The following LRPPRC variants were observed in gnomAD, a reference collection of about 807,000 sequenced individuals.
LRPPRC encodes leucine-rich PPR motif-containing protein, mitochondrial.
LRPPRC carries 120 observed loss-of-function variants against 180.3 expected under a neutral mutation model. That is an observed-to-expected ratio of 0.67 (90% confidence interval 0.57 to 0.77). The LOEUF (loss-of-function observed/expected upper bound fraction) is 0.77, where lower values mean the gene tolerates loss of function less well. LRPPRC is among the 30% of genes least tolerant of loss of function. The pLI, the probability that LRPPRC is intolerant of heterozygous loss-of-function variation, is 0.00. For synonymous variants in LRPPRC, 723 were observed against 600.0 expected (o/e 1.21, Z -3.00); for missense variants, 2,012 against 1,657.2 (o/e 1.21, Z -3.72).
Position 43,955,649 on chromosome 2 carries a change from A to G in LRPPRC, c.1649+1736T>C, listed in dbSNP as rs1673082028. ...CAGCTGCTCGGGAGGCTACGATGGGAGGATCGCTTGAGCCCGGGAGGTAAA... is the reference window on the plus strand; with the variant it reads ...CAGCTGCTCGGGAGGCTACGATGGGGGGATCGCTTGAGCCCGGGAGGTAAA... On this transcript the variant is annotated intron_variant, in intron 14 of 37. Transcript: ENST00000260665. Among the ~76,000 whole-genome samples, 4 of 152,170 alleles carry G rather than the reference A, an allele frequency of 2.6e-5. No individual in the cohort carries two copies. The South Asian group carries it at 8.3e-4, about 32-fold the overall frequency.
chr2:43,950,244 G>A (rs1225289392), intron 15 of LRPPRC, among the ~76,000 whole-genome samples: 4 of 151,686 alleles, frequency 2.6e-5, no homozygotes, highest in African/African-American at 7.3e-5. Flanking sequence ...TAAGTTCAGG[G>A]GTACATGTGC....
intron 11 of LRPPRC, among the ~76,000 whole-genome samples, chr2:43,969,484 T>C (rs1444223118): frequency 6.6e-6 from 1 of 151,828 alleles, no homozygotes; most frequent in African/African-American, 2.4e-5. Context: ...TGCTAAAGCC[T>C]ACATGTTTTT....
intron 23 of LRPPRC, among the ~76,000 whole-genome samples, chr2:43,935,772 T>TA (rs1367716218): frequency 1.3e-5 from 2 of 152,206 alleles, no homozygotes; most frequent in East Asian, 3.9e-4. Context: ...TCACAGGTAA[T>TA]ATAAAAAAAA....
At position 43,907,374 on chromosome 2, in the gene LRPPRC, G is replaced by A. The variant is rs7600218; in HGVS notation, c.3276-1594C>T. 9.3e-3 allele frequency among the ~76,000 whole-genome samples: 1,415 copies of A among 152,134 alleles called. 21 individuals are homozygous for A. The highest frequency in any genetic ancestry group is 0.032 in the African/African-American group (1,320 of 41,502). Reference sequence around the variant, plus strand: ...AAAGGAAAAAATTTTAAAAAGTTGCGGGTAGAGATCTTTATATTGGAATCA... The same window carrying A: ...AAAGGAAAAAATTTTAAAAAGTTGCAGGTAGAGATCTTTATATTGGAATCA... On this transcript the variant is annotated intron_variant, in intron 30 of 37. Transcript: ENST00000260665.
rs1461687874 is a variant in LRPPRC at position 43,886,464 on chromosome 2, A to G, written c.*2136T>C. ...TTAGAACACTCATAAGCCCACCTAC[A>G]GTATAGTTATTATACTTTAAATATT... On this transcript the variant is annotated 3_prime_UTR_variant, in exon 38 of 38. Transcript: ENST00000260665. 1.3e-5 allele frequency: 2 copies of G among 152,202 alleles called. No individual in the cohort carries two copies. Among genetic ancestry groups the G allele is most frequent in the Admixed American group, 6.5e-5 (1 of 15,282 alleles). 9.4% of individuals were successfully genotyped at this position (152,202 alleles called of 1,614,324 possible). A position where few individuals can be genotyped will look rare whatever the true frequency, so the allele number is the denominator to read the frequency against.
intron 11 of LRPPRC, among the ~76,000 whole-genome samples, chr2:43,967,807 T>C (rs1673628751): frequency 6.6e-6 from 1 of 152,210 alleles, no homozygotes; most frequent in Admixed American, 6.5e-5. Context: ...CTAACAATAC[T>C]TGTAAGCGAA....
rs529577116 is a variant in LRPPRC at position 43,886,720 on chromosome 2, A to C, written c.*1880T>G. On this transcript the variant is annotated 3_prime_UTR_variant, in exon 38 of 38. Coordinates refer to ENST00000260665, the MANE Select transcript of LRPPRC (RefSeq NM_133259.4). ...AAGATGACTGCGAAATCCAGATTAC[A>C]CCCCAACGTTATGCCTCACCTTGGA... 6.6e-6 allele frequency: 1 copy of C among 152,250 alleles called. No homozygotes were observed. 9.4% of individuals were successfully genotyped at this position (152,250 alleles called of 1,614,324 possible). A position where few individuals can be genotyped will look rare whatever the true frequency, so the allele number is the denominator to read the frequency against.
chr2:43,906,698 G>A (rs569288640), intron 30 of LRPPRC, among the ~76,000 whole-genome samples: 29 of 152,204 alleles, frequency 1.9e-4, no homozygotes, highest in South Asian at 4.1e-4. Flanking sequence ...CTGCCAACAC[G>A]GACATATAAG....
intron 32 of LRPPRC, among the ~76,000 whole-genome samples, chr2:43,900,137 T>C (rs1670833538): frequency 6.6e-6 from 1 of 152,166 alleles, no homozygotes; most frequent in African/African-American, 2.4e-5. Context: ...CTCAATTTCT[T>C]TTTGTCAGGT....
intron 16 of LRPPRC, 143 bp downstream of exon 16, chr2:43,949,458 TA>T: frequency 1.4e-6 from 1 of 693,542 alleles, no homozygotes; most frequent in South Asian, 1.6e-5. Flanking sequence ...CAAAATGTTG[TA>T]ATCAATATAA....
chr2:43,915,232 T>TCTCTCTCTCACA (rs1174216406), intron 29 of LRPPRC, among the ~76,000 whole-genome samples: 2 of 51,882 alleles, frequency 3.9e-5, no homozygotes, highest in Non-Finnish European at 6.9e-5. Flanking sequence ...TCTCTCTCTC[T>TCTCTCTCTCACA]CACACACACA....
At chr2:43,960,332 C>T (rs1436210095) in intron 13 of LRPPRC, among the ~76,000 whole-genome samples, 1 of 152,168 alleles carries the variant, frequency 6.6e-6, no homozygotes, top group Non-Finnish European at 1.5e-5. Flanking sequence ...TTCAGTCTAA[C>T]ACCATATTAC....
rs1299724638 is a variant in LRPPRC, at chr2:43,982,328, C to T, written c.256G>A (p.Ala86Thr). The change falls in exon 2 of 38, where the codon GCT becomes ACT. Residue 86 changes from alanine (A) to threonine (T), a missense_variant. Physicochemically the swap from Ala to Thr is moderately conservative, Grantham distance 58. Coordinates refer to ENST00000260665, the MANE Select transcript of LRPPRC (RefSeq NM_133259.4). The part of the protein sequence containing the change: ...SRKISNQFDW[A>T]LMRLDLSVRR... ...ACAGAAAGATCTAGTCTCATTAGAGCCCAATCAAACTGATTGGAAATCTTC... is the reference window on the plus strand; with the variant it reads ...ACAGAAAGATCTAGTCTCATTAGAGTCCAATCAAACTGATTGGAAATCTTC... 7.4e-6 allele frequency: 12 copies of T among 1,612,090 alleles called. No individual in the cohort carries two copies. Among genetic ancestry groups the T allele is most frequent in the Non-Finnish European group, 9.3e-6 (11 of 1,178,640 alleles).
chr2:43,986,832 C>T (rs1674546870), intron 1 of LRPPRC, among the ~76,000 whole-genome samples: 2 of 152,154 alleles, frequency 1.3e-5, no homozygotes, highest in South Asian at 2.1e-4. Flanking sequence ...GAGAGTGAGA[C>T]TAGACAGTGC....
intron 14 of LRPPRC, among the ~76,000 whole-genome samples, chr2:43,953,593 A>T (rs1157891093): frequency 6.6e-6 from 1 of 152,198 alleles, no homozygotes; most frequent in Non-Finnish European, 1.5e-5. Flanking sequence ...GGAATCAATT[A>T]AAAATTTTAG....
At chr2:43,976,910 A>C in intron 5 of LRPPRC, 84 bp downstream of exon 5, 1 of 1,091,302 alleles carries the variant, frequency 9.2e-7, no homozygotes, top group Non-Finnish European at 1.4e-6. Context: ...ATTAGGAAGA[A>C]GCTTTAAAAC....
intron 36 of LRPPRC, chr2:43,890,172 A>G (rs1158366979): frequency 1.2e-5 from 5 of 433,070 alleles, no homozygotes; most frequent in African/African-American, 2.0e-5. Context: ...AAGACCTATG[A>G]TAGTTCAAGT....
chr2:43,982,503 A>G, intron 1 of LRPPRC, 69 bp from the exon 2 acceptor site: 1 of 1,218,812 alleles, frequency 8.2e-7, no homozygotes, highest in Non-Finnish European at 1.2e-6. Context: ...AACAAAACTT[A>G]AACAAATTTT....
chr2:43,926,151 T>C (rs1671870142), intron 25 of LRPPRC, among the ~76,000 whole-genome samples, 190 bp from the exon 26 acceptor site: 1 of 152,168 alleles, frequency 6.6e-6, no homozygotes, highest in African/African-American at 2.4e-5. Flanking sequence ...AAACTATAAT[T>C]AACCCCATAG....
Sources: allele counts gnomAD v4.1 joint callset (sites outside exome capture counted in the v4.1 genomes callset), GRCh38; gene constraint gnomAD v4.1.1; transcripts MANE v1.5; gene names NCBI Gene and HGNC (gene_info 2026-07-23, HGNC 2026-07-21).